ACOT11: variants seen among roughly 807,000 people sequenced by gnomAD.
ACOT11 encodes the protein acyl-coenzyme A thioesterase 11.
Under a neutral mutation model 77.5 loss-of-function variants are expected in ACOT11, and 69 were observed. That is an observed-to-expected ratio of 0.89 (90% CI 0.73 to 1.09). The LOEUF is 1.09. ACOT11 is among the 50% of genes least tolerant of loss of function. The pLI, the probability that ACOT11 is intolerant of heterozygous loss-of-function variation, is 0.00. For synonymous variants in ACOT11, 279 were observed against 313.0 expected, an observed-to-expected ratio of 0.89 and a Z score of 1.15; for missense variants, 766 against 813.7, an observed-to-expected ratio of 0.94 and a Z score of 0.71.
At position 54,592,625 on chromosome 1, in the gene ACOT11, G is replaced by A. The variant is rs749831957; in HGVS notation, c.372+19G>A. ...CATGGAGGTGTGTGGGGTGGGCACT[G>A]CTTGGGAGTGGGTGCGTGGGTGGGT... is the stretch of plus-strand genomic sequence containing the variant. On this transcript the variant is annotated intron_variant, in intron 4 of 15. Coordinates refer to ENST00000343744, the MANE Select transcript of ACOT11 (RefSeq NM_147161.4). 6 of 1,612,520 alleles carry A rather than the reference G, an allele frequency of 3.7e-6. No individual in the cohort carries two copies. In the African/African-American group the frequency reaches 6.7e-5, roughly 18 times the overall value.
intron 16 of ACOT11, among the ~76,000 whole-genome samples, chr1:54,634,118 G>A (rs1644317131): frequency 6.6e-6 from 1 of 152,152 alleles, no homozygotes; most frequent in Admixed American, 6.5e-5. Flanking sequence ...AAAAATTACT[G>A]TCCCTCTCAC....
chr1:54,618,200 G>A (rs535713491), intron 15 of ACOT11, among the ~76,000 whole-genome samples: 2 of 152,002 alleles, frequency 1.3e-5, no homozygotes, highest in Non-Finnish European at 2.9e-5. Flanking sequence ...CTTTAGTGTT[G>A]GCTTAAAAAA....
In ACOT11 at chr1:54,629,294, T is replaced by C. The variant is rs1272732186; in HGVS notation, c.1630-1440T>C. On this transcript the variant is annotated intron_variant, in intron 15 of 16. Coordinates refer to the ACOT11 transcript ENST00000371316. ...AATAACATGGTTTTTTTCTTTTTTGTTTTTTGTTTTGAGATAGAGTCTCAC... is the reference window on the plus strand; with the variant it reads ...AATAACATGGTTTTTTTCTTTTTTGCTTTTTGTTTTGAGATAGAGTCTCAC... Among the ~76,000 whole-genome samples the C allele has an allele frequency of 2.3e-5, 3 of 132,752 alleles. 1 individual carries two copies. Among genetic ancestry groups the C allele is most frequent in the African/African-American group, 7.7e-5 (3 of 39,174 alleles). 87.1% of individuals were successfully genotyped at this position (132,752 alleles called of 152,430 possible). A position where few individuals can be genotyped will look rare whatever the true frequency, so the allele number is the denominator to read the frequency against.
At chr1:54,600,832 T>C (rs1202174999) in intron 8 of ACOT11, among the ~76,000 whole-genome samples, 1 of 152,244 alleles carries the variant, frequency 6.6e-6, no homozygotes, top group Non-Finnish European at 1.5e-5. Flanking sequence ...TCCTGGTTTA[T>C]GTCCTTACAT....
exon 17 of ACOT11, chr1:54,635,663 G>C (rs1337785546): frequency 1.2e-5 from 2 of 167,512 alleles, no homozygotes; most frequent in African/African-American, 4.8e-5. Flanking sequence ...AAAAACACTT[G>C]GAAGCTCTGT....
At chr1:54,623,413 A>G (rs1209017065) in intron 15 of ACOT11, 1 of 1,596,114 alleles carries the variant, frequency 6.3e-7, no homozygotes, top group South Asian at 1.1e-5. Context: ...CTCTCTGGGG[A>G]ATGCCCCCAA....
chr1:54,567,924 C>T (rs1653792369), intron 1 of ACOT11, among the ~76,000 whole-genome samples: 1 of 152,192 alleles, frequency 6.6e-6, no homozygotes, highest in African/African-American at 2.4e-5. Context: ...GCCAGACCAC[C>T]ACCCTCCCCT....
intron 1 of ACOT11, chr1:54,572,937 A>G (rs1393272882): frequency 7.1e-6 from 7 of 985,430 alleles, no homozygotes; most frequent in Non-Finnish European, 8.4e-6. Context: ...GAGAATTTAT[A>G]AAGTACAGTT....
intron 5 of ACOT11, 98 bp downstream of exon 5, chr1:54,594,137 G>A: frequency 9.1e-7 from 1 of 1,094,428 alleles, no homozygotes; most frequent in Non-Finnish European, 1.3e-6. Context: ...GGTTGGCAGA[G>A]GGGATGGGGA....
chr1:54,590,087 CAAA>C (rs754768157), intron 3 of ACOT11, among the ~76,000 whole-genome samples: 1 of 122,626 alleles, frequency 8.2e-6, no homozygotes, highest in African/African-American at 2.9e-5. Flanking sequence ...GACTCTGTCT[CAAA>C]AAAAAAAAAA....
chr1:54,616,392 C>T (rs931404400), intron 15 of ACOT11, among the ~76,000 whole-genome samples: 18 of 150,686 alleles, frequency 1.2e-4, no homozygotes, highest in Non-Finnish European at 2.9e-5. Context: ...GAGACGGAGT[C>T]TTGCTCTATC....
intron 1 of ACOT11, among the ~76,000 whole-genome samples, chr1:54,567,864 C>T (rs1557650010): frequency 1.3e-5 from 2 of 152,200 alleles, no homozygotes; most frequent in Non-Finnish European, 2.9e-5. Flanking sequence ...CTGCTTCTCT[C>T]CATCCTAAAG....
At chr1:54,604,257 C>G (rs1209867841) in intron 11 of ACOT11, 89 bp from the exon 12 acceptor site, 1 of 1,255,414 alleles carries the variant, frequency 8.0e-7, no homozygotes, top group Non-Finnish European at 1.1e-6. Context: ...ATTCCTGGCC[C>G]AGGTTCCTCT....
downstream of ACOT11, chr1:54,614,591 A>G (rs1458789612): frequency 8.9e-7 from 1 of 1,129,542 alleles, no homozygotes; most frequent in East Asian, 2.5e-5. Context: ...GTGAGGCTAT[A>G]TATAGTATGA....
intron 1 of ACOT11, among the ~76,000 whole-genome samples, chr1:54,564,663 CT>C (rs897540280): frequency 2.4e-4 from 37 of 152,330 alleles, no homozygotes; most frequent in African/African-American, 8.2e-4. Flanking sequence ...CCCAATTCCT[CT>C]TTTTCTTCTC....
intron 6 of ACOT11, 40 bp downstream of exon 6, chr1:54,594,731 G>T (rs369896715): frequency 6.3e-7 from 1 of 1,583,466 alleles, no homozygotes; most frequent in South Asian, 1.2e-5. Flanking sequence ...GGTAGCTGGC[G>T]TCCTGCATGG....
rs774409649 is a variant in ACOT11, at chr1:54,548,262, C to T, written c.-48C>T. The T allele has an allele frequency of 4.7e-5, 74 of 1,574,108 alleles. No homozygotes were observed. The highest frequency in any genetic ancestry group is 6.1e-5 in the Non-Finnish European group (71 of 1,159,994). On this transcript the variant is annotated 5_prime_UTR_variant, in exon 1 of 16. Transcript: ENST00000343744. ...CAGGCCTGGCTGTTGCTCAGGTGAC[C>T]AGCTTGTGTCTCTGGGAGGGCGCTG... is the stretch of plus-strand genomic sequence containing the variant.
intron 15 of ACOT11, among the ~76,000 whole-genome samples, chr1:54,615,685 G>A (rs1280818646): frequency 6.6e-6 from 1 of 152,186 alleles, no homozygotes; most frequent in Non-Finnish European, 1.5e-5. Flanking sequence ...GGGGTGCAGA[G>A]GGGAAGGGTG....
Position 54,623,045 on chromosome 1 carries a change from G to A in ACOT11, c.1630-7689G>A, listed in dbSNP as rs189543252. On this transcript the variant is annotated intron_variant, in intron 15 of 16. Transcript: ENST00000371316. Reference sequence around the variant, plus strand: ...CAAAAAATTAGCTGGGCGTGGTGGCGGGTGCCTGTAATCCCAGCTACTCGG... The same window carrying A: ...CAAAAAATTAGCTGGGCGTGGTGGCAGGTGCCTGTAATCCCAGCTACTCGG... Among the ~76,000 whole-genome samples, 75 of 151,760 alleles carry A rather than the reference G, an allele frequency of 4.9e-4. 1 individual carries two copies. The South Asian group carries it at 0.01, about 20-fold the overall frequency.
Sources: allele counts gnomAD v4.1 joint callset (sites outside exome capture counted in the v4.1 genomes callset), GRCh38; gene constraint gnomAD v4.1.1; transcripts MANE v1.5; gene names NCBI Gene and HGNC (gene_info 2026-07-23, HGNC 2026-07-21).